The following DLC1 variants were observed in gnomAD, a reference collection of about 807,000 sequenced individuals.
DLC1 encodes the protein rho GTPase-activating protein 7.
DLC1 carries 54 observed loss-of-function variants against 140.3 expected under a neutral mutation model. That is an observed-to-expected ratio of 0.38 (90% CI 0.31 to 0.48). The LOEUF (loss-of-function observed/expected upper bound fraction) is 0.48. Among genes scored for constraint, DLC1 ranks in the 20% least tolerant of loss-of-function variants. The pLI, the probability that DLC1 is intolerant of heterozygous loss-of-function variation, is 0.96. For missense variants in DLC1, 2,536 were observed against 1,907.0 expected (o/e 1.33, Z -6.14); for synonymous variants, 986 against 728.1 (o/e 1.35, Z -5.70).
At chr8:13,352,413 T>C (rs1295249817) in intron 4 of DLC1, among the ~76,000 whole-genome samples, 3 of 152,210 alleles carry the variant, frequency 2.0e-5, no homozygotes, top group Non-Finnish European at 2.9e-5. Flanking sequence ...GACAGGGTCT[T>C]GCTCTGTCAC....
rs532633119 is a variant in DLC1 at position 13,563,960 on chromosome 8, A to G, written c.-126+40577T>C. Among the ~76,000 whole-genome samples, 522 of 152,308 alleles carry G rather than the reference A, an allele frequency of 3.4e-3. 3 individuals carry two copies. Among genetic ancestry groups the G allele is most frequent in the African/African-American group, 0.012 (499 of 41,566 alleles). On this transcript the variant is annotated intron_variant, in intron 1 of 1. Transcript: ENST00000631382. ...AGTATAATCTAGATTTTAATTAAGA[A>G]ATTCAAGAAAAATATTACAACACTT... is the stretch of plus-strand genomic sequence containing the variant.
chr8:13,506,608 TACACATATATATAC>T (rs1319076994), intron 1 of DLC1, among the ~76,000 whole-genome samples: 62 of 137,914 alleles, frequency 4.5e-4, no homozygotes, highest in African/African-American at 1.7e-3. Context: ...TATATATATA[TACACATATATATAC>T]ACACAGAGAG....
chr8:13,114,783 T>A (rs551027930), intron 6 of DLC1, among the ~76,000 whole-genome samples: 1 of 152,318 alleles, frequency 6.6e-6, no homozygotes, highest in African/African-American at 2.4e-5. Flanking sequence ...ATTAGGGAAA[T>A]GGCAGTCAAA....
intron 5 of DLC1, among the ~76,000 whole-genome samples, chr8:13,255,743 C>A (rs950400635): frequency 6.6e-6 from 1 of 152,124 alleles, no homozygotes; most frequent in Non-Finnish European, 1.5e-5. Context: ...GATCACTTTC[C>A]GTCCAATACC....
At chr8:13,164,622 A>G (rs924665273) in intron 5 of DLC1, among the ~76,000 whole-genome samples, 1 of 152,116 alleles carries the variant, frequency 6.6e-6, no homozygotes, top group Non-Finnish European at 1.5e-5. Flanking sequence ...GTGGTGTGTG[A>G]ATTGGTACAA....
intron 1 of DLC1, among the ~76,000 whole-genome samples, chr8:13,562,078 G>T (rs1193288403): frequency 6.6e-6 from 1 of 152,064 alleles, no homozygotes; most frequent in African/African-American, 2.4e-5. Context: ...CTTGATTTTG[G>T]TGGTGGTTAC....
intron 4 of DLC1, among the ~76,000 whole-genome samples, chr8:13,351,982 C>A (rs965215307): frequency 3.9e-5 from 6 of 152,236 alleles, no homozygotes; most frequent in African/African-American, 1.4e-4. Flanking sequence ...GATCTGCCCG[C>A]CTTGGCCTCC....
intron 4 of DLC1, among the ~76,000 whole-genome samples, chr8:13,325,220 C>T (rs751090441): frequency 1.4e-4 from 22 of 152,122 alleles, no homozygotes; most frequent in Non-Finnish European, 2.9e-4. Context: ...ATGGTTTATT[C>T]AGAGCTCTGG....
At chr8:13,548,543 T>G (rs1008897994) in intron 1 of DLC1, among the ~76,000 whole-genome samples, 1 of 152,052 alleles carries the variant, frequency 6.6e-6, no homozygotes, top group South Asian at 2.1e-4. Context: ...TTCTATGGTT[T>G]GAATGTCTGA....
At chr8:13,316,386 A>G (rs1468979983) in intron 4 of DLC1, among the ~76,000 whole-genome samples, 1 of 152,200 alleles carries the variant, frequency 6.6e-6, no homozygotes, top group Non-Finnish European at 1.5e-5. Flanking sequence ...TAAAGCTACA[A>G]TTATATAGTT....
intron 2 of DLC1, among the ~76,000 whole-genome samples, chr8:13,472,143 C>A (rs1800236665): frequency 6.6e-6 from 1 of 152,124 alleles, no homozygotes; most frequent in African/African-American, 2.4e-5. Context: ...ATAACAAGCG[C>A]CAACTTATTT....
chr8:13,494,743 G>T (rs1305231389), intron 2 of DLC1, among the ~76,000 whole-genome samples: 2 of 152,124 alleles, frequency 1.3e-5, no homozygotes, highest in Non-Finnish European at 2.9e-5. Context: ...TTGAGGTCAG[G>T]AGTTTGAGAC....
chr8:13,309,747 A>G (rs1832594829), intron 4 of DLC1, among the ~76,000 whole-genome samples: 1 of 152,146 alleles, frequency 6.6e-6, no homozygotes, highest in Non-Finnish European at 1.5e-5. Flanking sequence ...CCTTTTAGGA[A>G]CTCACACCAA....
At chr8:13,289,005 C>A (rs558834452) in intron 5 of DLC1, among the ~76,000 whole-genome samples, 1 of 152,084 alleles carries the variant, frequency 6.6e-6, no homozygotes, top group Non-Finnish European at 1.5e-5. Context: ...ATTACAAAAT[C>A]GCATATTAGG....
intron 2 of DLC1, among the ~76,000 whole-genome samples, chr8:13,437,123 T>A (rs1384045320): frequency 1.3e-5 from 2 of 152,236 alleles, no homozygotes; most frequent in African/African-American, 4.8e-5. Context: ...TACCTCTTTT[T>A]GCTGTCTTCC....
At chr8:13,586,273 G>T (rs1805306666) in intron 1 of DLC1, among the ~76,000 whole-genome samples, 1 of 152,140 alleles carries the variant, frequency 6.6e-6, no homozygotes, top group Non-Finnish European at 1.5e-5. Context: ...AAGACAGAGA[G>T]AATGAGGCTC....
At chr8:13,453,413 T>TAC (rs1301989048) in intron 2 of DLC1, among the ~76,000 whole-genome samples, 2 of 53,046 alleles carry the variant, frequency 3.8e-5, no homozygotes, top group Admixed American at 2.6e-4. Context: ...TGTATATATA[T>TAC]ATATATATAT....
intron 1 of DLC1, among the ~76,000 whole-genome samples, chr8:13,524,143 TA>T (rs1802846919): frequency 2.1e-5 from 3 of 139,776 alleles, no homozygotes; most frequent in Non-Finnish European, 4.6e-5. Flanking sequence ...TTATTATTAT[TA>T]TTATTATTAT....
intron 5 of DLC1, among the ~76,000 whole-genome samples, chr8:13,170,737 A>T (rs1299840856): frequency 1.3e-5 from 2 of 151,970 alleles, no homozygotes; most frequent in African/African-American, 4.8e-5. Flanking sequence ...CTCAAAAAAA[A>T]AAAAAAAAAA....
Sources: gnomAD v4.1 joint callset for allele counts (sites outside exome capture counted in the v4.1 genomes callset) on GRCh38, gnomAD v4.1.1 for gene constraint, MANE v1.5 for transcripts, NCBI Gene and HGNC (gene_info 2026-07-23, HGNC 2026-07-21) for gene names.